The following NLRP13 variants were observed in gnomAD, a reference collection of about 807,000 sequenced individuals.
NLRP13 encodes NLR family pyrin domain containing 13, also known as NACHT, LRR and PYD domains-containing protein 13.
Under a neutral mutation model 94.4 loss-of-function variants are expected in NLRP13, and 82 were observed. The ratio of observed to expected loss-of-function variants is 0.87; its 90% CI spans 0.73 to 1.04. The LOEUF is 1.04. Ranked by LOEUF, NLRP13 falls within the 50% of genes least tolerant of loss-of-function variation. The pLI, the probability that NLRP13 is intolerant of heterozygous loss-of-function variation, is 0.00. For missense variants in NLRP13, 1,426 were observed against 1,230.8 expected, an observed-to-expected ratio of 1.16 and a Z score of -2.37; for synonymous variants, 553 against 464.7, an observed-to-expected ratio of 1.19 and a Z score of -2.45.
intron 7 of NLRP13, among the ~76,000 whole-genome samples, chr19:55,906,448 G>T (rs1159491607): frequency 6.6e-6 from 1 of 151,896 alleles, no homozygotes; most frequent in African/African-American, 2.4e-5. Flanking sequence ...GGATCCCTAA[G>T]GTTCCCCAAA....
chr19:55,915,670 G>A (rs543261278), intron 4 of NLRP13, among the ~76,000 whole-genome samples: 1 of 152,150 alleles, frequency 6.6e-6, no homozygotes, highest in African/African-American at 2.4e-5. Flanking sequence ...GCCCAACAGA[G>A]AACTCATAGG....
chr19:55,919,536 T>C (rs1237693450), intron 4 of NLRP13, among the ~76,000 whole-genome samples: 1 of 151,920 alleles, frequency 6.6e-6, no homozygotes, highest in African/African-American at 2.4e-5. Flanking sequence ...AATAAAGCAA[T>C]GTACAAATAT....
downstream of NLRP13, among the ~76,000 whole-genome samples, chr19:55,894,658 A>T (rs1452047440): frequency 6.6e-6 from 1 of 152,174 alleles, no homozygotes; most frequent in Non-Finnish European, 1.5e-5. Context: ...CACAGCATTC[A>T]TGACAACAGA....
chr19:55,907,384 A>C (rs55811351), intron 7 of NLRP13, among the ~76,000 whole-genome samples: 46,268 of 151,840 alleles, frequency 0.3, 7,304 homozygotes, highest in East Asian at 0.42. Flanking sequence ...CCAGCCTGGG[A>C]AACATGGCAA....
chr19:55,910,330 A>G (rs576735818), intron 6 of NLRP13, among the ~76,000 whole-genome samples: 20 of 152,216 alleles, frequency 1.3e-4, no homozygotes, highest in Non-Finnish European at 2.2e-4. Context: ...CCTAGGGAAA[A>G]ATTACTTTGT....
At chr19:55,927,662 C>T (rs1987002137) in intron 1 of NLRP13, among the ~76,000 whole-genome samples, 1 of 152,096 alleles carries the variant, frequency 6.6e-6, no homozygotes, top group African/African-American at 2.4e-5. Context: ...GCAAGTGACG[C>T]TTTCAGATAA....
Position 55,918,253 on chromosome 19 carries a change from C to CAAA in NLRP13, c.524-4963_524-4961dup, listed in dbSNP as rs34099048. ...ACATATCAAAACCTCTGTGATACAGCAAAAAAAAAAAAAAAGTTTATAGCA... is the reference window on the plus strand; with the variant it reads ...ACATATCAAAACCTCTGTGATACAGCAAAAAAAAAAAAAAAAAAGTTTATAGCA... On this transcript the variant is annotated intron_variant, in intron 4 of 10. Coordinates refer to ENST00000342929, the MANE Select transcript of NLRP13 (RefSeq NM_176810.2). 3.3e-4 allele frequency among the ~76,000 whole-genome samples: 43 copies of CAAA among 130,816 alleles called. 2 individuals are homozygous for CAAA. Among genetic ancestry groups the CAAA allele is most frequent in the African/African-American group, 1.1e-3 (40 of 34,924 alleles). The allele number at this position is 130,816 out of a possible 152,430, so 85.8% of individuals were successfully genotyped here.
Position 55,896,088 on chromosome 19 carries a change from A to T in NLRP13, c.2989T>A (p.Cys997Ser). 6.2e-7 allele frequency: 1 copy of T among 1,614,182 alleles called. No homozygotes were observed. Among genetic ancestry groups the T allele is most frequent in the Non-Finnish European group, 8.5e-7 (1 of 1,180,022 alleles). Residue 997 changes from cysteine (C) to serine (S), a missense_variant, in exon 11 of 11, where the codon TGC becomes AGC. Cys to Ser is a moderately radical substitution (Grantham distance 112). Coordinates refer to ENST00000342929, the MANE Select transcript of NLRP13 (RefSeq NM_176810.2). ...LAKCNLTTAC[C>S]QHLFSVLSSS... ...CTGAGAACAGAGAAGAGATGCTGGC[A>T]GCAAGCAGTTGTCAGATTGCATTTC...
chr19:55,923,837 C>A (rs1986901041), intron 4 of NLRP13, 77 bp downstream of exon 4: 1 of 1,006,734 alleles, frequency 9.9e-7, no homozygotes, highest in Non-Finnish European at 1.6e-6. Flanking sequence ...CAGTATGAGG[C>A]AACTCTACTA....
chr19:55,922,743 G>C (rs1183759238), intron 4 of NLRP13, among the ~76,000 whole-genome samples: 1 of 152,208 alleles, frequency 6.6e-6, no homozygotes, highest in African/African-American at 2.4e-5. Context: ...CCAGGATACT[G>C]AACACTGATG....
At chr19:55,899,437 C>A (rs766550219) in intron 9 of NLRP13, among the ~76,000 whole-genome samples, 6 of 152,054 alleles carry the variant, frequency 3.9e-5, no homozygotes, top group African/African-American at 1.4e-4. Flanking sequence ...GACAAGGAAG[C>A]GACAGGAGGA....
chr19:55,897,664 G>A (rs1986051442), intron 10 of NLRP13, among the ~76,000 whole-genome samples: 1 of 152,050 alleles, frequency 6.6e-6, no homozygotes, highest in Non-Finnish European at 1.5e-5. Context: ...ATTTGGCACT[G>A]CAGATAACGT....
intron 1 of NLRP13, among the ~76,000 whole-genome samples, chr19:55,927,661 G>A (rs1018069206): frequency 1.3e-5 from 2 of 151,974 alleles, no homozygotes; most frequent in Non-Finnish European, 2.9e-5. Context: ...GGCAAGTGAC[G>A]CTTTCAGATA....
At chr19:55,895,345 C>T (rs763699263), downstream of NLRP13, among the ~76,000 whole-genome samples, 126 of 152,206 alleles carry the variant, frequency 8.3e-4, no homozygotes, top group Middle Eastern at 0.01. Flanking sequence ...TGCGCCACTG[C>T]ACTCCAGCCT....
Position 55,924,644 on chromosome 19 carries a change from G to A in NLRP13, c.403C>T (p.Gln135Ter). The A allele has an allele frequency of 6.2e-7, 1 of 1,613,134 alleles. No homozygotes were observed. The highest frequency in any genetic ancestry group is 8.5e-7 in the Non-Finnish European group (1 of 1,179,348). ...LEAAAGNMQTQGCQDPNQEEL... is the reference protein window; with the variant it reads ...LEAAAGNMQT ...TCTTGGTTTGGATCTTGGCATCCCTGGGTCTGCATATTCCCTGAAATAAAC... is the reference window on the plus strand; with the variant it reads ...TCTTGGTTTGGATCTTGGCATCCCTAGGTCTGCATATTCCCTGAAATAAAC... The change falls in exon 3 of 11, where the codon CAG (glutamine) becomes TAG (stop). Residue 135 changes from glutamine (Q) to a stop codon, truncating the protein, a stop_gained. Transcript: ENST00000342929. LOFTEE classifies it high-confidence loss of function.
intron 8 of NLRP13, among the ~76,000 whole-genome samples, chr19:55,903,511 G>GGT (rs1163022254): frequency 3.9e-5 from 6 of 151,990 alleles, no homozygotes; most frequent in Non-Finnish European, 7.4e-5. Flanking sequence ...CACTGTACGG[G>GGT]GTCTCTCATT....
chr19:55,931,707 CTCAAAAAAA>C (rs775935967), intron 1 of NLRP13, among the ~76,000 whole-genome samples: 190 of 36,774 alleles, frequency 5.2e-3, no homozygotes, highest in African/African-American at 9.5e-3. Context: ...GAGACTCAGG[CTCAAAAAAA>C]AAAAAAAAAG....
At chr19:55,924,032 C>T in intron 3 of NLRP13, 53 bp from the exon 4 acceptor site, 1 of 1,416,992 alleles carries the variant, frequency 7.1e-7, no homozygotes, top group Non-Finnish European at 1.0e-6. Flanking sequence ...TGAAAATGGG[C>T]CACAATGATA....
intron 4 of NLRP13, among the ~76,000 whole-genome samples, chr19:55,914,255 TG>T (rs1489023911): frequency 6.6e-6 from 1 of 152,198 alleles, no homozygotes; most frequent in African/African-American, 2.4e-5. Context: ...AGAGGCCTTC[TG>T]GGGCCTACTA....
Sources: allele counts gnomAD v4.1 joint callset (sites outside exome capture counted in the v4.1 genomes callset), GRCh38; gene constraint gnomAD v4.1.1; transcripts MANE v1.5; gene names NCBI Gene and HGNC (gene_info 2026-07-23, HGNC 2026-07-21).